Variants in CEP350 observed in about 807,000 individuals in gnomAD.
The protein encoded by CEP350 is centrosome-associated protein 350.
Under a neutral mutation model 331.8 loss-of-function variants are expected in CEP350, and 126 were observed. The ratio of observed to expected loss-of-function variants is 0.38; its 90% confidence interval spans 0.33 to 0.44. The LOEUF (loss-of-function observed/expected upper bound fraction) is 0.44, where lower values mean the gene tolerates loss of function less well. CEP350 is among the 20% of genes least tolerant of loss of function. The probability of loss-of-function intolerance (pLI) is 1.00; values close to 1 mark genes in which losing one functional copy is unlikely to be tolerated. For missense variants in CEP350, 3,406 were observed against 3,634.6 expected (o/e 0.94, Z 1.62); for synonymous variants, 1,200 against 1,259.5 (o/e 0.95, Z 1.00).
At chr1:180,091,506 TC>T (rs1660196791) in intron 33 of CEP350, among the ~76,000 whole-genome samples, 1 of 152,184 alleles carries the variant, frequency 6.6e-6, no homozygotes. Flanking sequence ...TATACATTTT[TC>T]AGTTTAACCA....
chr1:180,030,988 C>A (rs1655986808), intron 14 of CEP350, among the ~76,000 whole-genome samples: 1 of 151,852 alleles, frequency 6.6e-6, no homozygotes, highest in Non-Finnish European at 1.5e-5. Flanking sequence ...TGGATTTTAT[C>A]CTTTAAAAAA....
At chr1:180,008,258 A>T (rs1160128115) in intron 8 of CEP350, among the ~76,000 whole-genome samples, 14 of 152,208 alleles carry the variant, frequency 9.2e-5, no homozygotes, top group African/African-American at 3.1e-4. Flanking sequence ...TTTGGCCCTC[A>T]TCCAGATTGC....
chr1:180,087,632 A>T lies in CEP350; in HGVS notation c.6340A>T (p.Thr2114Ser). The T allele has an allele frequency of 6.4e-7, 1 of 1,556,292 alleles. No homozygotes were observed. The highest frequency in any genetic ancestry group is 1.4e-5 in the African/African-American group (1 of 73,500). ...AGCCGAGCTTAGCCAAGATTTGGAAACATCACCAACAGCCAAGCCTCAGAT... is the reference window on the plus strand; with the variant it reads ...AGCCGAGCTTAGCCAAGATTTGGAATCATCACCAACAGCCAAGCCTCAGAT... Reference protein sequence around the residue: ...TEAELSQDLETSPTAKPQIKT... With the variant: ...TEAELSQDLESSPTAKPQIKT... Residue 2114 changes from threonine to serine, a missense_variant, in exon 32 of 38, where the codon ACA (threonine) becomes TCA (serine). Coordinates refer to ENST00000367607, the MANE Select transcript of CEP350 (RefSeq NM_014810.5).
intron 27 of CEP350, among the ~76,000 whole-genome samples, chr1:180,066,300 A>G (rs1252001823): frequency 1.3e-5 from 2 of 152,096 alleles, no homozygotes; most frequent in Non-Finnish European, 2.9e-5. Flanking sequence ...CTTCCTCGAA[A>G]CCCATTAAAT....
intron 27 of CEP350, among the ~76,000 whole-genome samples, chr1:180,067,648 C>T (rs556452173): frequency 7.9e-5 from 12 of 151,772 alleles, no homozygotes; most frequent in Admixed American, 1.3e-4. Flanking sequence ...GAGCTCATGC[C>T]GCCATACTCC....
chr1:180,055,146 A>G (rs1385284250), intron 25 of CEP350, among the ~76,000 whole-genome samples: 1 of 152,218 alleles, frequency 6.6e-6, no homozygotes, highest in Non-Finnish European at 1.5e-5. Flanking sequence ...CATAAAATAA[A>G]CTTAGAGCAG....
intron 1 of CEP350, among the ~76,000 whole-genome samples, chr1:179,982,038 C>T (rs771888520): frequency 6.6e-6 from 1 of 152,060 alleles, no homozygotes; most frequent in South Asian, 2.1e-4. Flanking sequence ...AAACCTAAAA[C>T]AGGGCATAAT....
chr1:180,055,546 C>CTTTTTTTTTTTTTTTTTTTTTTTTTT (rs71118430), intron 25 of CEP350, among the ~76,000 whole-genome samples: 3 of 87,454 alleles, frequency 3.4e-5, no homozygotes, highest in Non-Finnish European at 6.2e-5. Context: ...TGAATTCCAT[C>CTTTTTTTTTTTTTTTTTTTTTTTTTT]TTTTTTTTTT....
intron 13 of CEP350, 81 bp downstream of exon 13, chr1:180,022,929 C>A: frequency 7.3e-7 from 1 of 1,361,312 alleles, no homozygotes; most frequent in Non-Finnish European, 1.0e-6. Context: ...GAATATTAGC[C>A]AAGTTTTGCT....
intron 37 of CEP350, among the ~76,000 whole-genome samples, chr1:180,101,779 T>C (rs930551473): frequency 1.2e-4 from 19 of 152,300 alleles, no homozygotes; most frequent in African/African-American, 4.6e-4. Flanking sequence ...TTAATTAATT[T>C]GATGGAGTAG....
intron 31 of CEP350, chr1:180,087,322 G>T (rs960380025): frequency 8.1e-6 from 2 of 248,252 alleles, no homozygotes; most frequent in Non-Finnish European, 1.5e-5. Context: ...TTAAACTTCT[G>T]TAGATTCGCA....
chr1:180,093,863 A>G lies in CEP350; in HGVS notation c.7758A>G (p.Glu2586=). The change falls in exon 34 of 38, where the codon GAA becomes GAG. Residue 2586 remains glutamate (E), a synonymous_variant. Coordinates refer to ENST00000367607, the MANE Select transcript of CEP350 (RefSeq NM_014810.5). ...AAGATGAAGACTGTTACTCAGATGA[A>G]CGATATCAGTGCTATAATCAAGAGC... ...INEDEDCYSD[E]RYQCYNQEQN... The G allele has an allele frequency of 3.1e-6, 5 of 1,613,910 alleles. No homozygotes were observed. Among genetic ancestry groups the G allele is most frequent in the Middle Eastern group, 1.6e-4 (1 of 6,062 alleles).
chr1:179,995,414 A>G (rs748068182), intron 5 of CEP350, among the ~76,000 whole-genome samples: 4 of 152,070 alleles, frequency 2.6e-5, no homozygotes, highest in Non-Finnish European at 5.9e-5. Context: ...CAGCCTGGCC[A>G]ACCAACATGG....
In CEP350 at chr1:179,996,915, G is replaced by A. The variant is rs750783309; in HGVS notation, c.758G>A (p.Arg253Gln). The change falls in exon 6 of 38, where the codon CGA (arginine) becomes CAA (glutamine). Residue 253 changes from arginine to glutamine, a missense_variant. Physicochemically the swap from Arg to Gln is conservative, Grantham distance 43 (BLOSUM62 1). Transcript: ENST00000367607. ...CATGATACTGATCCAAAAGCGTTAC[G>A]ACTAACTGACTCTTCTCCATCCTCT... ...MAHDTDPKAL[R>Q]LTDSSPSSTS... The A allele has an allele frequency of 2.2e-5, 35 of 1,613,826 alleles. No individual in the cohort carries two copies. The East Asian group carries it at 7.1e-4, about 33-fold the overall frequency.
intron 15 of CEP350, among the ~76,000 whole-genome samples, chr1:180,032,661 G>GT (rs769090399): frequency 1.3e-5 from 2 of 150,588 alleles, no homozygotes; most frequent in Non-Finnish European, 3.0e-5. Flanking sequence ...TTTGCCTGTA[G>GT]TCACTCTTTG....
At chr1:180,005,077 C>CT (rs142788324) in intron 7 of CEP350, among the ~76,000 whole-genome samples, 2,238 of 141,986 alleles carry the variant, frequency 0.016, 52 homozygotes, top group African/African-American at 0.051. Context: ...ATTTTTCTTT[C>CT]TTTTTTTTTA....
chr1:180,030,038 C>T (rs547703386), intron 14 of CEP350, among the ~76,000 whole-genome samples: 1 of 151,930 alleles, frequency 6.6e-6, no homozygotes, highest in Non-Finnish European at 1.5e-5. Flanking sequence ...TATGTATAAA[C>T]CACATTTTGT....
rs138453204 is a variant in CEP350 at position 180,100,075 on chromosome 1, C to T, written c.9189+1090C>T. Among the ~76,000 whole-genome samples the T allele has an allele frequency of 2.3e-4, 35 of 152,272 alleles. No individual in the cohort carries two copies. The East Asian group carries it at 5.6e-3, about 24-fold the overall frequency. ...TGCTGGGATTACAGGCATGAGCCAC[C>T]GCGCCCAGTGTCTTATGCCTTATTT... On this transcript the variant is annotated intron_variant, in intron 37 of 37. Coordinates refer to ENST00000367607, the MANE Select transcript of CEP350 (RefSeq NM_014810.5).
chr1:180,065,764 A>G lies in CEP350; in HGVS notation c.5567+492A>G, dbSNP rs184141945. ...CAGAGCTAGACCCTGTCCCCCCCCA[A>G]AAAAAAAGTATCTGCACATGTACCC... On this transcript the variant is annotated intron_variant, in intron 27 of 37. Coordinates refer to ENST00000367607, the MANE Select transcript of CEP350 (RefSeq NM_014810.5). Among the ~76,000 whole-genome samples the G allele has an allele frequency of 6.4e-3, 973 of 151,730 alleles. 4 individuals carry two copies. The highest frequency in any genetic ancestry group is 7.9e-3 in the South Asian group (38 of 4,796).
Sources: allele counts gnomAD v4.1 joint callset (sites outside exome capture counted in the v4.1 genomes callset), GRCh38; gene constraint gnomAD v4.1.1; transcripts MANE v1.5; gene names NCBI Gene and HGNC (gene_info 2026-07-23, HGNC 2026-07-21).